The following LOC102723971 variants were observed in gnomAD, a reference collection of about 807,000 sequenced individuals.
At chr9:135,615,038 C>A in the LOC102723971 span, among the ~76,000 whole-genome samples, 1 of 152,190 alleles carries the variant, frequency 6.6e-6, no homozygotes, top group Admixed American at 6.5e-5. Context: ...TCCACCTGGA[C>A]CCACAGATGG....
the LOC102723971 span, among the ~76,000 whole-genome samples, chr9:135,617,446 G>A: frequency 2.6e-5 from 4 of 152,334 alleles, 1 homozygote; most frequent in African/African-American, 9.6e-5. Context: ...GGGACATCGA[G>A]GGGCTGCAGT....
the LOC102723971 span, among the ~76,000 whole-genome samples, chr9:135,619,849 T>G: frequency 8.0e-6 from 1 of 125,536 alleles, no homozygotes; most frequent in East Asian, 2.6e-4. Context: ...CAGTGAGGCC[T>G]TCTCCCCCTT....
chr9:135,617,966 G>A, the LOC102723971 span: 1 of 398,756 alleles, frequency 2.5e-6, no homozygotes, highest in Non-Finnish European at 4.4e-6. Context: ...AATGCTGGAG[G>A]ACCCCAAATG....
the LOC102723971 span, chr9:135,617,153 T>G: frequency 2.5e-6 from 1 of 395,502 alleles, no homozygotes; most frequent in Non-Finnish European, 4.4e-6. Context: ...GTGCAGGGTG[T>G]TCTGAGGGCA....
chr9:135,617,017 G>T, the LOC102723971 span: 1 of 398,688 alleles, frequency 2.5e-6, no homozygotes, highest in East Asian at 3.6e-5. Context: ...GTGCTGCTGG[G>T]TAAGTGGCCA....
chr9:135,619,053 A>T, the LOC102723971 span: 1 of 400,334 alleles, frequency 2.5e-6, no homozygotes, highest in Admixed American at 4.4e-5. Flanking sequence ...TGTGGCCTGG[A>T]CTGTCCCCAG....
chr9:135,615,050 C>T, the LOC102723971 span, among the ~76,000 whole-genome samples: 2 of 152,186 alleles, frequency 1.3e-5, no homozygotes, highest in African/African-American at 4.8e-5. Flanking sequence ...CACAGATGGG[C>T]ATTTGCCAAT....
the LOC102723971 span, among the ~76,000 whole-genome samples, chr9:135,616,176 G>A: frequency 6.6e-6 from 1 of 152,114 alleles, no homozygotes; most frequent in African/African-American, 2.4e-5. Flanking sequence ...TGGGGGCGAG[G>A]GGCCTCTGTC....
chr9:135,618,082 G>A, the LOC102723971 span: 19 of 398,586 alleles, frequency 4.8e-5, no homozygotes, highest in African/African-American at 3.5e-4. Context: ...GGAGCCGGAC[G>A]GGAAGAGGGC....
At chr9:135,616,111 G>A in the LOC102723971 span, among the ~76,000 whole-genome samples, 12 of 152,342 alleles carry the variant, frequency 7.9e-5, no homozygotes, top group East Asian at 1.9e-4. Context: ...TGAAGACCCC[G>A]GAGCAAGGGG....
the LOC102723971 span, chr9:135,615,268 C>A: frequency 5.0e-6 from 2 of 396,834 alleles, no homozygotes; most frequent in East Asian, 7.1e-5. Context: ...ACTAGCCGGC[C>A]TCTCCCGACC....
chr9:135,615,478 G>C, the LOC102723971 span: 2 of 398,618 alleles, frequency 5.0e-6, no homozygotes, highest in Non-Finnish European at 8.8e-6. Flanking sequence ...GCGGGGACGT[G>C]GACTTCGTGC....
chr9:135,615,114 C>T, the LOC102723971 span, among the ~76,000 whole-genome samples: 1 of 152,212 alleles, frequency 6.6e-6, no homozygotes, highest in Non-Finnish European at 1.5e-5. Context: ...AGGGGCACGA[C>T]CACCTGCTGA....
the LOC102723971 span, among the ~76,000 whole-genome samples, chr9:135,618,227 A>G: frequency 2.6e-5 from 4 of 152,044 alleles, no homozygotes; most frequent in African/African-American, 9.7e-5. Flanking sequence ...ACACAGTGAT[A>G]TGGGTCCAAT....
At chr9:135,618,770 C>T in the LOC102723971 span, among the ~76,000 whole-genome samples, 2 of 151,940 alleles carry the variant, frequency 1.3e-5, no homozygotes, top group Admixed American at 6.6e-5. Context: ...CCACAGAGCA[C>T]AGGGCCCTGG....
At chr9:135,616,907 A>G in the LOC102723971 span, 2 of 398,522 alleles carry the variant, frequency 5.0e-6, no homozygotes. Context: ...GGTCTCCAAC[A>G]GTCGAGGGCG....
At chr9:135,619,266 G>C in the LOC102723971 span, among the ~76,000 whole-genome samples, 1 of 152,194 alleles carries the variant, frequency 6.6e-6, no homozygotes, top group African/African-American at 2.4e-5. Flanking sequence ...AGCACACCCA[G>C]GGTGGTGAGG....
At chr9:135,619,718 C>T in the LOC102723971 span, among the ~76,000 whole-genome samples, 240 of 152,176 alleles carry the variant, frequency 1.6e-3, 2 homozygotes, top group African/African-American at 5.5e-3. Context: ...ACTTCTGCAC[C>T]CGGTGAGCCA....
At chr9:135,615,586 GA>G in the LOC102723971 span, 1 of 397,982 alleles carries the variant, frequency 2.5e-6, no homozygotes, top group Non-Finnish European at 4.4e-6. Flanking sequence ...AGAGCCAGAG[GA>G]ACACATCACA....
Sources: allele counts gnomAD v4.1 joint callset (sites outside exome capture counted in the v4.1 genomes callset), GRCh38; gene constraint gnomAD v4.1.1; transcripts MANE v1.5.